FBXL17: variants seen among roughly 807,000 people sequenced by gnomAD.
The protein encoded by FBXL17 is F-box and leucine rich repeat protein 17, also known as F-box/LRR-repeat protein 17.
FBXL17 carries 22 observed loss-of-function variants against 66.2 expected under a neutral mutation model. That is an observed-to-expected ratio of 0.33 (90% CI 0.24 to 0.47). The LOEUF (loss-of-function observed/expected upper bound fraction) is 0.47. FBXL17 is among the 20% of genes least tolerant of loss of function. The pLI, the probability that FBXL17 is intolerant of heterozygous loss-of-function variation, is 1.00. For synonymous variants in FBXL17, 474 were observed against 400.5 expected (o/e 1.18, Z -2.19); for missense variants, 878 against 948.2 (o/e 0.93, Z 0.97).
intron 4 of FBXL17, among the ~76,000 whole-genome samples, chr5:108,294,955 G>A (rs1758284346): frequency 1.3e-5 from 2 of 151,928 alleles, no homozygotes; most frequent in African/African-American, 4.8e-5. Flanking sequence ...TTAAATTTAA[G>A]AGTCTACTTT....
intron 4 of FBXL17, among the ~76,000 whole-genome samples, chr5:108,259,771 AT>A (rs1274087810): frequency 6.6e-6 from 1 of 152,170 alleles, no homozygotes; most frequent in Non-Finnish European, 1.5e-5. Context: ...TCTAAAAGGA[AT>A]TTTTTTCAAT....
At chr5:108,021,270 G>A (rs1357563511) in intron 6 of FBXL17, among the ~76,000 whole-genome samples, 3 of 150,144 alleles carry the variant, frequency 2.0e-5, no homozygotes, top group Non-Finnish European at 4.4e-5. Context: ...GGTAATAAAA[G>A]ACTAGTAAAC....
At chr5:107,929,210 C>G (rs1561325369) in intron 7 of FBXL17, among the ~76,000 whole-genome samples, 1 of 152,040 alleles carries the variant, frequency 6.6e-6, no homozygotes, top group Non-Finnish European at 1.5e-5. Context: ...TTTTTAAATG[C>G]CTTGTCCTTT....
At chr5:108,257,993 G>A (rs557108097) in intron 4 of FBXL17, among the ~76,000 whole-genome samples, 111 of 152,184 alleles carry the variant, frequency 7.3e-4, no homozygotes, top group African/African-American at 2.6e-3. Flanking sequence ...TGAGGCAGGC[G>A]TGCCAGCAAC....
intron 7 of FBXL17, among the ~76,000 whole-genome samples, chr5:108,003,644 C>G (rs1427773304): frequency 6.6e-6 from 1 of 152,036 alleles, no homozygotes; most frequent in Non-Finnish European, 1.5e-5. Flanking sequence ...AAAGACAAAG[C>G]AGATTTATGA....
chr5:108,074,286 A>C (rs1214085419), intron 6 of FBXL17, among the ~76,000 whole-genome samples: 4 of 150,652 alleles, frequency 2.7e-5, no homozygotes, highest in South Asian at 2.1e-4. Context: ...GTCCTAGCTA[A>C]AATCTGATAA....
intron 7 of FBXL17, among the ~76,000 whole-genome samples, chr5:108,014,739 G>T (rs1189517173): frequency 6.6e-6 from 1 of 152,050 alleles, no homozygotes; most frequent in Non-Finnish European, 1.5e-5. Flanking sequence ...ATACTAGTCC[G>T]CTTTCATGCT....
chr5:108,371,635 G>A (rs1025885777), intron 1 of FBXL17, among the ~76,000 whole-genome samples: 5 of 152,048 alleles, frequency 3.3e-5, no homozygotes, highest in African/African-American at 1.2e-4. Context: ...TGCTCACAGA[G>A]CTAAAGAAAA....
chr5:107,885,575 CCACTCTAAAAATA>C (rs1748939281), intron 7 of FBXL17, among the ~76,000 whole-genome samples: 1 of 152,060 alleles, frequency 6.6e-6, no homozygotes, highest in Admixed American at 6.6e-5. Flanking sequence ...TAATACTATG[CCACTCTAAAAATA>C]TGAATAAGGA....
At chr5:108,125,758 G>T (rs1019469700) in intron 6 of FBXL17, among the ~76,000 whole-genome samples, 14 of 151,936 alleles carry the variant, frequency 9.2e-5, no homozygotes, top group African/African-American at 3.4e-4. Flanking sequence ...TGGAGGAGAT[G>T]ATCCTTTTTA....
chr5:108,055,280 GAAAAAAAAAA>G (rs1000211060), intron 6 of FBXL17, among the ~76,000 whole-genome samples: 26 of 23,706 alleles, frequency 1.1e-3, no homozygotes, highest in South Asian at 6.9e-3. Flanking sequence ...AGAATTTTTA[GAAAAAAAAAA>G]AAAAAAAAAA....
intron 3 of FBXL17, among the ~76,000 whole-genome samples, chr5:108,358,576 A>C (rs531431969): frequency 6.6e-6 from 1 of 152,166 alleles, no homozygotes; most frequent in South Asian, 2.1e-4. Flanking sequence ...CTGGTGCTGA[A>C]TTCAGTTTGC....
chr5:108,007,800 A>G (rs1233616608), intron 7 of FBXL17, among the ~76,000 whole-genome samples: 1 of 152,202 alleles, frequency 6.6e-6, no homozygotes, highest in African/African-American at 2.4e-5. Flanking sequence ...GCATAACGAT[A>G]GAAAGGCTGT....
intron 7 of FBXL17, among the ~76,000 whole-genome samples, chr5:108,013,014 C>CAAAAAAA (rs57393639): frequency 1.3e-4 from 10 of 79,380 alleles, no homozygotes; most frequent in African/African-American, 3.7e-4. Flanking sequence ...AACTCCGTCT[C>CAAAAAAA]AAAAAAAAAA....
chr5:108,315,064 AT>A (rs1260898600), intron 4 of FBXL17, among the ~76,000 whole-genome samples: 3 of 151,160 alleles, frequency 2.0e-5, no homozygotes, highest in Non-Finnish European at 4.4e-5. Flanking sequence ...TAGATTAATC[AT>A]TTTTAGAATA....
chr5:108,019,800 A>G (rs2112760931), intron 7 of FBXL17, among the ~76,000 whole-genome samples: 1 of 152,102 alleles, frequency 6.6e-6, no homozygotes, highest in East Asian at 1.9e-4. Context: ...CAGAAAACAA[A>G]CAACGTAAGT....
At chr5:108,110,129 C>A (rs1749973906) in intron 6 of FBXL17, among the ~76,000 whole-genome samples, 3 of 151,964 alleles carry the variant, frequency 2.0e-5, no homozygotes, top group African/African-American at 7.3e-5. Context: ...CCTTGGCCAG[C>A]CAAGCAAAAC....
rs541128569 is a variant in FBXL17, at chr5:108,027,243, T to C, written c.1746-6242A>G. Among the ~76,000 whole-genome samples, 11 of 152,288 alleles carry C rather than the reference T, an allele frequency of 7.2e-5. No homozygotes were observed. In the South Asian group the frequency reaches 2.3e-3, roughly 32 times the overall value. On this transcript the variant is annotated intron_variant, in intron 6 of 8. Transcript: ENST00000542267. ...GAATAAAGCCTGCAATATTTTAAAATGCACATTTTCTTTAAGCTACTAAGA... is the reference window on the plus strand; with the variant it reads ...GAATAAAGCCTGCAATATTTTAAAACGCACATTTTCTTTAAGCTACTAAGA...
chr5:108,134,415 C>A (rs576927078), intron 6 of FBXL17, among the ~76,000 whole-genome samples: 3 of 152,200 alleles, frequency 2.0e-5, no homozygotes, highest in South Asian at 4.2e-4. Flanking sequence ...TTTTCTTAAA[C>A]CGGGGACATA....
Sources: gnomAD v4.1 joint callset for allele counts (sites outside exome capture counted in the v4.1 genomes callset) on GRCh38, gnomAD v4.1.1 for gene constraint, MANE v1.5 for transcripts, NCBI Gene and HGNC (gene_info 2026-07-23, HGNC 2026-07-21) for gene names.